The following WDPCP variants were observed in gnomAD, a reference collection of about 807,000 sequenced individuals.
The protein encoded by WDPCP is WD repeat-containing and planar cell polarity effector protein fritz homolog.
In WDPCP, 71 loss-of-function variants were observed where a neutral mutation model predicts 93.1. That is an observed-to-expected ratio of 0.76 (90% CI 0.63 to 0.93). The LOEUF (loss-of-function observed/expected upper bound fraction) is 0.93. Among genes scored for constraint, WDPCP ranks in the 40% least tolerant of loss-of-function variants. The pLI is 0.00. For synonymous variants in WDPCP, 315 were observed against 315.0 expected (o/e 1.00, Z 0.00); for missense variants, 844 against 887.4 (o/e 0.95, Z 0.62).
At chr2:63,659,262 TCG>T (rs979993799) in intron 2 of WDPCP, among the ~76,000 whole-genome samples, 9 of 152,196 alleles carry the variant, frequency 5.9e-5, no homozygotes, top group African/African-American at 2.2e-4. Context: ...ATAATAATGG[TCG>T]AGAGAAAAAC....
chr2:63,832,929 CACTCTGTGCTA>C, the WDPCP span, among the ~76,000 whole-genome samples: 1 of 152,208 alleles, frequency 6.6e-6, no homozygotes, highest in East Asian at 1.9e-4. Context: ...GCTGAACTTA[CACTCTGTGCTA>C]ACAGAGTGAG....
At chr2:63,737,961 C>G (rs974108817) in intron 2 of WDPCP, among the ~76,000 whole-genome samples, 1 of 152,106 alleles carries the variant, frequency 6.6e-6, no homozygotes, top group African/African-American at 2.4e-5. Flanking sequence ...CAGAATCAAG[C>G]TTGTTACAAC....
At chr2:63,493,364 T>C (rs1339933208) in intron 1 of WDPCP, among the ~76,000 whole-genome samples, 2 of 152,158 alleles carry the variant, frequency 1.3e-5, no homozygotes, top group East Asian at 3.8e-4. Flanking sequence ...AAAGCAAATA[T>C]TTACAATATC....
chr2:63,208,151 T>C (rs1042527716), intron 14 of WDPCP, among the ~76,000 whole-genome samples: 1 of 152,234 alleles, frequency 6.6e-6, no homozygotes, highest in African/African-American at 2.4e-5. Context: ...TTTTAAAATA[T>C]TGGGGTCAAT....
At chr2:63,531,997 C>G (rs539412745) in intron 1 of WDPCP, among the ~76,000 whole-genome samples, 1 of 152,156 alleles carries the variant, frequency 6.6e-6, no homozygotes, top group South Asian at 2.1e-4. Flanking sequence ...CTAGAATAAC[C>G]AGCATAGAGA....
intron 9 of WDPCP, 86 bp from the exon 10 acceptor site, chr2:63,404,743 C>G: frequency 6.5e-7 from 1 of 1,542,418 alleles, no homozygotes; most frequent in Admixed American, 1.7e-5. Flanking sequence ...ATTCAGAAAC[C>G]TATTAAAGAA....
chr2:63,777,077 C>T (rs1386650278), intron 2 of WDPCP, among the ~76,000 whole-genome samples: 1 of 151,970 alleles, frequency 6.6e-6, no homozygotes, highest in African/African-American at 2.4e-5. Context: ...TTGAATGTTC[C>T]CACCACAAAG....
chr2:63,492,758 C>T, intron 2 of WDPCP, 98 bp downstream of exon 2: 2 of 1,104,458 alleles, frequency 1.8e-6, no homozygotes, highest in East Asian at 2.4e-5. Context: ...AAGAATGCAA[C>T]TCCAGCTGGA....
chr2:63,413,594 G>A (rs900705266), intron 9 of WDPCP, among the ~76,000 whole-genome samples: 5 of 152,084 alleles, frequency 3.3e-5, no homozygotes, highest in Non-Finnish European at 2.9e-5. Context: ...TCAGGAGATC[G>A]AGACCATCCT....
Position 63,575,481 on chromosome 2 carries a change from GTATATATAGTA to G in WDPCP, c.75+12705_75+12715del, listed in dbSNP as rs754142170. Among the ~76,000 whole-genome samples, 169 of 101,572 alleles carry G rather than the reference GTATATATAGTA, an allele frequency of 1.7e-3. 15 individuals are homozygous for G. Among genetic ancestry groups the G allele is most frequent in the African/African-American group, 4.7e-3 (93 of 19,714 alleles). 66.6% of individuals were successfully genotyped at this position (101,572 alleles called of 152,430 possible). ...ACAGTATATATGCAGTATATACAGT[GTATATATAGTA>G]TATACAGTATATACACTGTATATAT... On this transcript the variant is annotated intron_variant, in intron 1 of 17. Transcript: ENST00000272321.
chr2:63,400,399 A>C (rs1694055985), intron 10 of WDPCP, among the ~76,000 whole-genome samples: 1 of 152,230 alleles, frequency 6.6e-6, no homozygotes, highest in Non-Finnish European at 1.5e-5. Flanking sequence ...AAGGACGCCA[A>C]AAGCAATTGC....
At chr2:63,504,237 G>A (rs1434756608) in intron 1 of WDPCP, among the ~76,000 whole-genome samples, 1 of 151,524 alleles carries the variant, frequency 6.6e-6, no homozygotes, top group African/African-American at 2.4e-5. Context: ...AGAAACGTGG[G>A]TAACATTTTA....
intron 3 of WDPCP, chr2:63,644,167 G>A: frequency 3.5e-6 from 1 of 284,596 alleles, no homozygotes; most frequent in South Asian, 3.6e-5. Context: ...ATTTTTTGAT[G>A]TATCTTTGTC....
chr2:63,508,629 G>A (rs1558730934), intron 1 of WDPCP, among the ~76,000 whole-genome samples: 1 of 151,970 alleles, frequency 6.6e-6, no homozygotes, highest in South Asian at 2.1e-4. Flanking sequence ...CAATTAAAGG[G>A]CACAGACTGG....
chr2:63,511,037 G>A (rs987990356), intron 1 of WDPCP, among the ~76,000 whole-genome samples: 4 of 152,108 alleles, frequency 2.6e-5, no homozygotes, highest in African/African-American at 7.2e-5. Flanking sequence ...AAGCTGATAA[G>A]CAACTTCAGC....
At chr2:63,294,412 AG>A in intron 13 of WDPCP, among the ~76,000 whole-genome samples, 1 of 145,302 alleles carries the variant, frequency 6.9e-6, no homozygotes, top group Non-Finnish European at 1.5e-5. Flanking sequence ...TGGGAGGCTG[AG>A]GGAGGAGAAT....
chr2:63,264,337 A>G (rs544949611), intron 13 of WDPCP, among the ~76,000 whole-genome samples: 57 of 152,324 alleles, frequency 3.7e-4, no homozygotes, highest in African/African-American at 1.4e-3. Context: ...TCCATCAGAC[A>G]AGATATACTT....
At chr2:63,333,450 G>A (rs1688126039) in intron 12 of WDPCP, among the ~76,000 whole-genome samples, 1 of 152,116 alleles carries the variant, frequency 6.6e-6, no homozygotes, top group Non-Finnish European at 1.5e-5. Context: ...CTAAGAGCTA[G>A]GAACACGTTT....
chr2:63,575,469 A>ATACACT (rs760952950), intron 1 of WDPCP, among the ~76,000 whole-genome samples: 1 of 16,314 alleles, frequency 6.1e-5, no homozygotes, highest in Non-Finnish European at 1.2e-4. Context: ...GTATATATGC[A>ATACACT]GTATATACAG....
Sources: allele counts gnomAD v4.1 joint callset (sites outside exome capture counted in the v4.1 genomes callset), GRCh38; gene constraint gnomAD v4.1.1; transcripts MANE v1.5; gene names NCBI Gene and HGNC (gene_info 2026-07-23, HGNC 2026-07-21).